Variants in ZNF532 observed in about 807,000 individuals in gnomAD.
ZNF532 encodes the protein zinc finger protein 532.
A neutral mutation model predicts 89.3 loss-of-function variants in ZNF532; 22 were observed. That is an observed-to-expected ratio of 0.25 (90% CI 0.18 to 0.35). The LOEUF is 0.35. Ranked by LOEUF, ZNF532 falls within the 10% of genes least tolerant of loss-of-function variation. The pLI is 1.00. For missense variants in ZNF532, 1,132 were observed against 1,643.4 expected (o/e 0.69, Z 5.38); for synonymous variants, 606 against 649.6 (o/e 0.93, Z 1.02).
chr18:58,866,340 G>A (rs1220589241), intron 2 of ZNF532, among the ~76,000 whole-genome samples: 1 of 152,346 alleles, frequency 6.6e-6, no homozygotes, highest in East Asian at 1.9e-4. Context: ...GAGAGGAGAG[G>A]AGAGAAGGAA....
chr18:58,951,904 C>T (rs2064237766), intron 6 of ZNF532, among the ~76,000 whole-genome samples: 1 of 152,268 alleles, frequency 6.6e-6, no homozygotes, highest in South Asian at 2.1e-4. Flanking sequence ...CTGCCTCGGC[C>T]TCCCAAAGTG....
Position 58,934,423 on chromosome 18 carries a change from G to T in ZNF532, c.2347-10G>T. ...AGGACCAACCCTGTTTCCCCCTTTGGTTTGTTTAGAAGACTTGCACTATCT... is the reference window on the plus strand; with the variant it reads ...AGGACCAACCCTGTTTCCCCCTTTGTTTTGTTTAGAAGACTTGCACTATCT... On this transcript the variant is annotated splice_polypyrimidine_tract_variant and intron_variant, in intron 3 of 9. Transcript: ENST00000591808. 6.2e-7 allele frequency: 1 copy of T among 1,611,464 alleles called. No individual in the cohort carries two copies. Among genetic ancestry groups the T allele is most frequent in the South Asian group, 1.1e-5 (1 of 90,702 alleles).
chr18:58,884,852 A>C (rs1379596988), intron 2 of ZNF532, among the ~76,000 whole-genome samples: 1 of 152,220 alleles, frequency 6.6e-6, no homozygotes, highest in African/African-American at 2.4e-5. Context: ...AAGCTATTTG[A>C]ATAACCCGTT....
intron 2 of ZNF532, among the ~76,000 whole-genome samples, chr18:58,867,728 C>T (rs556381598): frequency 6.6e-6 from 1 of 152,272 alleles, no homozygotes; most frequent in East Asian, 1.9e-4. Context: ...GAGGAGAGCA[C>T]ACTGGAAAGA....
At position 58,966,734 on chromosome 18, in the gene ZNF532, T is replaced by G. The variant is rs927185523; in HGVS notation, c.3151-12321T>G. Among the ~76,000 whole-genome samples, 226 of 130,146 alleles carry G rather than the reference T, an allele frequency of 1.7e-3. 1 individual carries two copies. Among genetic ancestry groups the G allele is most frequent in the African/African-American group, 8.3e-3 (212 of 25,460 alleles). The allele number at this position is 130,146 out of a possible 152,430, so 85.4% of individuals were successfully genotyped here. On this transcript the variant is annotated intron_variant, in intron 7 of 9. Coordinates refer to ENST00000591808, the MANE Select transcript of ZNF532 (RefSeq NM_001375912.1). ...GTGTATAGCCAGAAAAGGCATTTTTTTGTGTTTTTTTTTTTTTTTTTTTTT... is the reference window on the plus strand; with the variant it reads ...GTGTATAGCCAGAAAAGGCATTTTTGTGTGTTTTTTTTTTTTTTTTTTTTT...
intron 5 of ZNF532, among the ~76,000 whole-genome samples, chr18:58,942,061 C>G (rs56052401): frequency 1.8e-4 from 26 of 140,660 alleles, no homozygotes; most frequent in Non-Finnish European, 3.5e-4. Context: ...CTCGCTGTGT[C>G]GCCCAGGCTG....
chr18:58,940,958 A>ACACACACACACACACACACACACT (rs1209329621), intron 5 of ZNF532, among the ~76,000 whole-genome samples: 2 of 131,702 alleles, frequency 1.5e-5, no homozygotes, highest in Admixed American at 7.7e-5. Context: ...ACACACACAC[A>ACACACACACACACACACACACACT]CTCTTTCTCT....
At chr18:58,878,921 T>C (rs2057659613) in intron 2 of ZNF532, among the ~76,000 whole-genome samples, 1 of 152,226 alleles carries the variant, frequency 6.6e-6, no homozygotes, top group Non-Finnish European at 1.5e-5. Context: ...TTCTTTCCTA[T>C]ACACATGGGC....
At chr18:58,966,816 G>A (rs12326949) in intron 7 of ZNF532, among the ~76,000 whole-genome samples, 1 of 148,854 alleles carries the variant, frequency 6.7e-6, no homozygotes, top group Non-Finnish European at 1.5e-5. Context: ...TGCTTGGTCA[G>A]ATGTCTGTCT....
intron 2 of ZNF532, among the ~76,000 whole-genome samples, chr18:58,878,274 A>G (rs956127588): frequency 8.4e-5 from 10 of 119,202 alleles, no homozygotes; most frequent in Non-Finnish European, 1.5e-4. Flanking sequence ...AAAAAACAAA[A>G]CGAAAAAAAA....
At position 58,981,584 on chromosome 18, in the gene ZNF532, T is replaced by C. The variant is rs750130593; in HGVS notation, c.3378T>C (p.Asn1126=). The change falls in exon 9 of 10, where the codon AAT becomes AAC. Residue 1126 remains asparagine (N), a synonymous_variant. Coordinates refer to ENST00000591808, the MANE Select transcript of ZNF532 (RefSeq NM_001375912.1). The part of the protein sequence containing the change: ...PDLKEMTDAT[N]EEETEIKEDT... ...TGAAAGAAATGACAGATGCCACCAA[T>C]GAGGAGGAAACAGAAATAAAAGAAG... 8.7e-6 allele frequency: 14 copies of C among 1,614,034 alleles called. 1 individual carries two copies. The South Asian group carries it at 1.3e-4, about 15-fold the overall frequency.
At chr18:58,927,843 T>C (rs1461276299) in intron 3 of ZNF532, among the ~76,000 whole-genome samples, 2 of 151,962 alleles carry the variant, frequency 1.3e-5, no homozygotes, top group African/African-American at 4.8e-5. Context: ...CCTGGGAGGG[T>C]CACTTTCCAT....
At chr18:58,910,702 T>C (rs1284338580) in intron 2 of ZNF532, among the ~76,000 whole-genome samples, 1 of 152,038 alleles carries the variant, frequency 6.6e-6, no homozygotes, top group African/African-American at 2.4e-5. Flanking sequence ...CTCAAACTCC[T>C]GGTCTCAAGT....
rs139452659 is a variant in ZNF532 at position 58,936,821 on chromosome 18, A to C, written c.2528+2207A>C. 3.1e-3 allele frequency among the ~76,000 whole-genome samples: 470 copies of C among 152,360 alleles called. 3 individuals carry two copies. Among genetic ancestry groups the C allele is most frequent in the Admixed American group, 0.011 (168 of 15,300 alleles). ...CCAGGTTCATGTTTAAGTGGGGCTT[A>C]GTAGCCCCGTGGCCTTGTCATGTTT... On this transcript the variant is annotated intron_variant, in intron 4 of 9. Coordinates refer to ENST00000591808, the MANE Select transcript of ZNF532 (RefSeq NM_001375912.1).
intron 3 of ZNF532, among the ~76,000 whole-genome samples, chr18:58,926,463 G>A (rs1437839792): frequency 1.3e-5 from 2 of 152,034 alleles, no homozygotes; most frequent in African/African-American, 2.4e-5. Context: ...TTAGCCTCCC[G>A]AGTAGCTGGG....
intron 2 of ZNF532, among the ~76,000 whole-genome samples, chr18:58,889,944 G>A (rs909639430): frequency 6.6e-6 from 1 of 151,522 alleles, no homozygotes; most frequent in African/African-American, 2.4e-5. Context: ...AGCCAGGTGT[G>A]GTGGCATGCA....
chr18:58,939,653 A>C (rs780386095), intron 5 of ZNF532, 32 bp downstream of exon 5: 1 of 1,591,274 alleles, frequency 6.3e-7, no homozygotes. Flanking sequence ...GTTTTACTCC[A>C]CTGCTTTATT....
Position 58,899,366 on chromosome 18 carries a change from C to G in ZNF532, c.-17-18905C>G, listed in dbSNP as rs192450983. Among the ~76,000 whole-genome samples the G allele has an allele frequency of 9.2e-5, 14 of 152,286 alleles. No homozygotes were observed. In the East Asian group the frequency reaches 2.7e-3, roughly 29 times the overall value. On this transcript the variant is annotated intron_variant, in intron 2 of 9. Transcript: ENST00000591808. ...ATTTTTCTGGCAGCCTAATGAGGCC[C>G]TTTCAATTGGATTGTCTCCTTTTGT... is the stretch of plus-strand genomic sequence containing the variant.
At chr18:58,975,360 C>A (rs981469165) in intron 7 of ZNF532, among the ~76,000 whole-genome samples, 27 of 152,180 alleles carry the variant, frequency 1.8e-4, no homozygotes, top group Non-Finnish European at 2.9e-5. Flanking sequence ...GATGTGGATG[C>A]CTTGCCAGAT....
Sources: allele counts gnomAD v4.1 joint callset (sites outside exome capture counted in the v4.1 genomes callset), GRCh38; gene constraint gnomAD v4.1.1; transcripts MANE v1.5; gene names NCBI Gene and HGNC (gene_info 2026-07-23, HGNC 2026-07-21).